RPS6KC1: variants seen among roughly 807,000 people sequenced by gnomAD.
RPS6KC1 encodes the protein inactive ribosomal protein S6 kinase delta-1.
A neutral mutation model predicts 103.8 loss-of-function variants in RPS6KC1; 54 were observed. The ratio of observed to expected loss-of-function variants is 0.52; its 90% CI spans 0.42 to 0.65. The LOEUF is 0.65. Ranked by LOEUF, RPS6KC1 falls within the 30% of genes least tolerant of loss-of-function variation. RPS6KC1 has a pLI of 0.00. For synonymous variants in RPS6KC1, 439 were observed against 438.7 expected (o/e 1.00, Z -0.01); for missense variants, 1,151 against 1,253.8 (o/e 0.92, Z 1.24).
At chr1:213,765,205 T>C in the RPS6KC1 span, among the ~76,000 whole-genome samples, 1 of 152,206 alleles carries the variant, frequency 6.6e-6, no homozygotes, top group East Asian at 1.9e-4. Flanking sequence ...CTTGGCCTTC[T>C]TGGGCGGTGA....
rs531512836 is a variant in RPS6KC1, at chr1:213,091,972, T to A, written c.263-12482T>A. On this transcript the variant is annotated intron_variant, in intron 3 of 14. Coordinates refer to ENST00000366960, the MANE Select transcript of RPS6KC1 (RefSeq NM_012424.6). Reference sequence around the variant, plus strand: ...GGCATTACATTTCTTTTTTTTTTTTTAAATATGAGTGAGTGGCATATTATA... The same window carrying A: ...GGCATTACATTTCTTTTTTTTTTTTAAAATATGAGTGAGTGGCATATTATA... Among the ~76,000 whole-genome samples the A allele has an allele frequency of 2.3e-3, 343 of 152,062 alleles. 2 individuals carry two copies. Among genetic ancestry groups the A allele is most frequent in the African/African-American group, 8.0e-3 (334 of 41,498 alleles).
At chr1:213,473,643 T>C in the RPS6KC1 span, among the ~76,000 whole-genome samples, 1 of 152,272 alleles carries the variant, frequency 6.6e-6, no homozygotes, top group South Asian at 2.1e-4. Context: ...GTAGGACAAA[T>C]AGCCCTAAAA....
intron 4 of RPS6KC1, among the ~76,000 whole-genome samples, chr1:213,104,815 G>A (rs768458594): frequency 1.3e-5 from 2 of 150,436 alleles, no homozygotes; most frequent in Non-Finnish European, 3.0e-5. Context: ...ATTGACAGGT[G>A]TGATCATGGC....
At chr1:213,776,443 C>A in the RPS6KC1 span, among the ~76,000 whole-genome samples, 1 of 152,160 alleles carries the variant, frequency 6.6e-6, no homozygotes, top group Admixed American at 6.5e-5. Flanking sequence ...CCTGGGTGAC[C>A]AGGTGCATTG....
the RPS6KC1 span, among the ~76,000 whole-genome samples, chr1:213,718,750 C>T: frequency 6.6e-6 from 1 of 152,206 alleles, no homozygotes; most frequent in Non-Finnish European, 1.5e-5. Flanking sequence ...ACTGGCTGGG[C>T]TTTGGGGGAG....
chr1:213,333,838 C>A, the RPS6KC1 span, among the ~76,000 whole-genome samples: 1 of 152,068 alleles, frequency 6.6e-6, no homozygotes, highest in African/African-American at 2.4e-5. Flanking sequence ...CCCACCACCA[C>A]GCCTGGCTAA....
the RPS6KC1 span, among the ~76,000 whole-genome samples, chr1:213,677,663 A>G: frequency 2.0e-5 from 3 of 152,068 alleles, no homozygotes; most frequent in Non-Finnish European, 4.4e-5. Flanking sequence ...GTAATTAGGG[A>G]GAAGAATGCT....
rs1211903662 is a variant in RPS6KC1 at position 213,272,403 on chromosome 1, G to C, written c.3091-121G>C. Reference sequence around the variant, plus strand: ...CCCTTTCAAGAAAAATGGTCACTTGGCTATTAATCAAGACTGCTTGTTACC... The same window carrying C: ...CCCTTTCAAGAAAAATGGTCACTTGCCTATTAATCAAGACTGCTTGTTACC... On this transcript the variant is annotated intron_variant, in intron 14 of 14. Coordinates refer to ENST00000366960, the MANE Select transcript of RPS6KC1 (RefSeq NM_012424.6). 4.4e-5 allele frequency: 31 copies of C among 705,740 alleles called. No individual in the cohort carries two copies. In the Admixed American group the frequency reaches 6.8e-4, roughly 15 times the overall value. The allele number at this position is 705,740 out of a possible 1,614,324, so 43.7% of individuals were successfully genotyped here. A position where few individuals can be genotyped will look rare whatever the true frequency, so the allele number is the denominator to read the frequency against.
chr1:213,640,504 A>T, the RPS6KC1 span, among the ~76,000 whole-genome samples: 184 of 149,360 alleles, frequency 1.2e-3, no homozygotes, highest in Non-Finnish European at 2.0e-3. Context: ...GATTTATTTG[A>T]TATTTTTTTC....
the RPS6KC1 span, among the ~76,000 whole-genome samples, chr1:213,332,044 A>G: frequency 6.6e-6 from 1 of 152,104 alleles, no homozygotes; most frequent in Non-Finnish European, 1.5e-5. Context: ...AAAAAAAAAA[A>G]AAGACAATGG....
intron 6 of RPS6KC1, among the ~76,000 whole-genome samples, chr1:213,151,869 G>T (rs577633613): frequency 2.5e-5 from 3 of 119,164 alleles, no homozygotes; most frequent in Non-Finnish European, 5.4e-5. Context: ...GCGGCTGGCC[G>T]GGCGGGGGGC....
chr1:213,278,633 T>C (rs192405784), downstream of RPS6KC1, among the ~76,000 whole-genome samples: 462 of 152,270 alleles, frequency 3.0e-3, 3 homozygotes, highest in African/African-American at 0.011. Flanking sequence ...CCCCTCTTCA[T>C]CCACCCCTCC....
At chr1:213,483,927 C>A in the RPS6KC1 span, among the ~76,000 whole-genome samples, 259 of 152,276 alleles carry the variant, frequency 1.7e-3, no homozygotes, top group Non-Finnish European at 2.9e-3. Context: ...TGAGCAGGGG[C>A]TCTAAAAATC....
chr1:213,624,631 C>T, the RPS6KC1 span, among the ~76,000 whole-genome samples: 2 of 152,154 alleles, frequency 1.3e-5, no homozygotes, highest in Non-Finnish European at 2.9e-5. Context: ...GGGAACTCTG[C>T]CTCAGCCTAC....
chr1:213,682,774 T>C, the RPS6KC1 span, among the ~76,000 whole-genome samples: 4 of 152,220 alleles, frequency 2.6e-5, no homozygotes, highest in Non-Finnish European at 5.9e-5. Flanking sequence ...ATTATACATG[T>C]TTATGGGTGT....
At chr1:213,579,420 C>G in the RPS6KC1 span, among the ~76,000 whole-genome samples, 9 of 152,036 alleles carry the variant, frequency 5.9e-5, no homozygotes, top group African/African-American at 2.2e-4. Context: ...AGGAAAGAAG[C>G]CACCTCTATA....
At chr1:213,208,031 T>C (rs1406866393) in intron 8 of RPS6KC1, among the ~76,000 whole-genome samples, 1 of 152,182 alleles carries the variant, frequency 6.6e-6, no homozygotes, top group Admixed American at 6.5e-5. Context: ...AGACACAAAT[T>C]ATCAAACCTT....
chr1:213,323,243 C>T, the RPS6KC1 span, among the ~76,000 whole-genome samples: 5 of 152,200 alleles, frequency 3.3e-5, no homozygotes, highest in East Asian at 3.9e-4. Flanking sequence ...GTTTTAAGAT[C>T]TCTGGTCACA....
the RPS6KC1 span, among the ~76,000 whole-genome samples, chr1:213,776,564 C>T: frequency 2.6e-5 from 4 of 152,160 alleles, no homozygotes; most frequent in Admixed American, 6.5e-5. Context: ...CTATTATCCA[C>T]GTTTTCACTG....
Sources: gnomAD v4.1 joint callset for allele counts (sites outside exome capture counted in the v4.1 genomes callset) on GRCh38, gnomAD v4.1.1 for gene constraint, MANE v1.5 for transcripts, NCBI Gene and HGNC (gene_info 2026-07-23, HGNC 2026-07-21) for gene names.